The following JMJD1C variants were observed in gnomAD, a reference collection of about 807,000 sequenced individuals.
JMJD1C encodes the protein jumonji domain containing 1C.
JMJD1C carries 31 observed loss-of-function variants against 245.3 expected under a neutral mutation model. That is an observed-to-expected ratio of 0.13 (90% CI 0.09 to 0.17). The LOEUF is 0.17. JMJD1C is among the 10% of genes least tolerant of loss of function. The pLI is 1.00. For synonymous variants in JMJD1C, 1,057 were observed against 1,017.4 expected (o/e 1.04, Z -0.74); for missense variants, 2,691 against 3,000.2 (o/e 0.90, Z 2.41).
intron 3 of JMJD1C, among the ~76,000 whole-genome samples, chr10:63,262,740 C>T (rs1854944288): frequency 6.6e-6 from 1 of 152,146 alleles, no homozygotes; most frequent in Non-Finnish European, 1.5e-5. Flanking sequence ...AGCTTACTAA[C>T]AGAGACAAAC....
intron 2 of JMJD1C, among the ~76,000 whole-genome samples, chr10:63,271,332 G>A (rs754374048): frequency 1.3e-5 from 2 of 150,528 alleles, no homozygotes; most frequent in African/African-American, 2.4e-5. Flanking sequence ...ACGCGCCACC[G>A]TGCCCGGCTA....
rs750747925 is a variant in JMJD1C at position 63,191,006 on chromosome 10, T to C, written c.6179A>G (p.Asn2060Ser). 3.7e-6 allele frequency: 6 copies of C among 1,614,160 alleles called. No homozygotes were observed. The Admixed American group carries it at 1.0e-4, about 27-fold the overall frequency. Residue 2060 changes from asparagine (N) to serine (S), a missense_variant, in exon 17 of 26, where the codon AAT (asparagine) becomes AGT (serine). Physicochemically the swap from Asn to Ser is conservative, Grantham distance 46 (BLOSUM62 1). Transcript: ENST00000399262. Reference sequence around the variant, plus strand: ...ATCCCGTAAGGTTGAGCCTTGTTCATTATTCTGGGACACAAGAGGTGATGT... The same window carrying C: ...ATCCCGTAAGGTTGAGCCTTGTTCACTATTCTGGGACACAAGAGGTGATGT... ...GRTSPLVSQN[N>S]EQGSTLRDLL... is the part of the protein sequence containing the mutation.
intron 2 of JMJD1C, among the ~76,000 whole-genome samples, chr10:63,279,613 T>A (rs1477963894): frequency 6.6e-6 from 1 of 152,048 alleles, no homozygotes; most frequent in African/African-American, 2.4e-5. Flanking sequence ...AAAAAAAAAT[T>A]TTTAAATTAG....
intron 1 of JMJD1C, among the ~76,000 whole-genome samples, chr10:63,428,972 A>G (rs989498765): frequency 6.6e-6 from 1 of 152,036 alleles, no homozygotes; most frequent in Non-Finnish European, 1.5e-5. Flanking sequence ...CCTTATTGAC[A>G]GGTCTTTCTT....
At chr10:63,232,049 G>A in intron 3 of JMJD1C, among the ~76,000 whole-genome samples, 1 of 152,084 alleles carries the variant, frequency 6.6e-6, no homozygotes, top group East Asian at 1.9e-4. Context: ...TGTTGGCCAG[G>A]CTGGTCTTGA....
chr10:63,203,908 G>C (rs1001849611), intron 10 of JMJD1C: 3 of 978,328 alleles, frequency 3.1e-6, no homozygotes, highest in African/African-American at 3.5e-5. Flanking sequence ...ACAATAGAAA[G>C]AAAATAGACA....
At chr10:63,293,491 T>C (rs1859018396) in intron 2 of JMJD1C, among the ~76,000 whole-genome samples, 1 of 152,164 alleles carries the variant, frequency 6.6e-6, no homozygotes, top group African/African-American at 2.4e-5. Context: ...AATATAAATA[T>C]GTAATATTTG....
At chr10:63,462,164 G>A (rs895386418) in intron 1 of JMJD1C, among the ~76,000 whole-genome samples, 1 of 152,152 alleles carries the variant, frequency 6.6e-6, no homozygotes, top group African/African-American at 2.4e-5. Context: ...CATAAAAAAG[G>A]CTTAGATATT....
Position 63,168,537 on chromosome 10 carries a change from T to C in JMJD1C, c.7431A>G (p.Val2477=), listed in dbSNP as rs2132720533. The part of the protein sequence containing the change: ...QVQNFHSCIQ[V]TEDFVSPEHL... ...GTTCTGGAGACACAAAATCTTCAGT[T>C]ACCTGAATACAGCTGTGAAAATTCT... The change falls in exon 25 of 26, where the codon GTA becomes GTG. Residue 2477 remains valine, a synonymous_variant. Coordinates refer to ENST00000399262, the MANE Select transcript of JMJD1C (RefSeq NM_032776.3). 6.2e-7 allele frequency: 1 copy of C among 1,607,694 alleles called. No homozygotes were observed. Among genetic ancestry groups the C allele is most frequent in the Middle Eastern group, 1.7e-4 (1 of 6,046 alleles).
At chr10:63,171,208 A>C (rs978514961) in intron 24 of JMJD1C, among the ~76,000 whole-genome samples, 2 of 152,128 alleles carry the variant, frequency 1.3e-5, no homozygotes, top group African/African-American at 4.8e-5. Context: ...TGCTGTTTTT[A>C]AGTAAAGGCC....
At chr10:63,311,796 GGA>G (rs1374684851) in intron 2 of JMJD1C, among the ~76,000 whole-genome samples, 1 of 152,026 alleles carries the variant, frequency 6.6e-6, no homozygotes, top group Non-Finnish European at 1.5e-5. Flanking sequence ...GAGGAGAGCT[GGA>G]TTAAAAAGAA....
At chr10:63,521,670 C>A in intron 1 of JMJD1C, 1 of 964,446 alleles carries the variant, frequency 1.0e-6, no homozygotes, top group Non-Finnish European at 1.4e-6. Flanking sequence ...AGGCCTGGGC[C>A]TGGGCGGGGA....
At chr10:63,502,146 A>C (rs1273573228) in intron 1 of JMJD1C, among the ~76,000 whole-genome samples, 2 of 152,182 alleles carry the variant, frequency 1.3e-5, no homozygotes, top group Non-Finnish European at 2.9e-5. Flanking sequence ...AATGCATGAG[A>C]GACAATTAAG....
intron 3 of JMJD1C, among the ~76,000 whole-genome samples, chr10:63,247,087 G>A (rs1463888892): frequency 2.8e-5 from 4 of 140,664 alleles, no homozygotes; most frequent in Middle Eastern, 3.6e-3. Context: ...AAGTGAGAAC[G>A]GAAATAAACT....
chr10:63,422,137 C>T (rs560243370), intron 1 of JMJD1C, among the ~76,000 whole-genome samples: 80 of 152,218 alleles, frequency 5.3e-4, no homozygotes, highest in South Asian at 1.2e-3. Context: ...AGGGGCTGGG[C>T]GCAGCGGCTC....
intron 20 of JMJD1C, 30 bp downstream of exon 20, chr10:63,185,533 A>T (rs761207633): frequency 7.0e-6 from 9 of 1,281,154 alleles, no homozygotes; most frequent in South Asian, 2.4e-5. Flanking sequence ...GATCTCAAAA[A>T]GTCAAGAGTC....
chr10:63,250,025 T>C (rs1852839210), intron 3 of JMJD1C, among the ~76,000 whole-genome samples: 1 of 152,118 alleles, frequency 6.6e-6, no homozygotes, highest in African/African-American at 2.4e-5. Context: ...TCTTTTTTTT[T>C]AAGAGACAGG....
At chr10:63,284,710 C>T (rs904159948) in intron 2 of JMJD1C, among the ~76,000 whole-genome samples, 3 of 152,136 alleles carry the variant, frequency 2.0e-5, no homozygotes, top group African/African-American at 4.8e-5. Flanking sequence ...GCTATACATA[C>T]ATTTAAGAAA....
At chr10:63,457,573 A>G (rs953376090) in intron 1 of JMJD1C, among the ~76,000 whole-genome samples, 1 of 152,230 alleles carries the variant, frequency 6.6e-6, no homozygotes, top group African/African-American at 2.4e-5. Context: ...ATACCAAATT[A>G]AGAAGATGAA....
Sources: gnomAD v4.1 joint callset for allele counts (sites outside exome capture counted in the v4.1 genomes callset) on GRCh38, gnomAD v4.1.1 for gene constraint, MANE v1.5 for transcripts, NCBI Gene and HGNC (gene_info 2026-07-23, HGNC 2026-07-21) for gene names.